JMJD1C: variants seen among roughly 807,000 people sequenced by gnomAD.
JMJD1C encodes the protein jumonji domain-containing protein 1C.
A neutral mutation model predicts 245.3 loss-of-function variants in JMJD1C; 31 were observed. The ratio of observed to expected loss-of-function variants is 0.13; its 90% CI spans 0.09 to 0.17. JMJD1C has a LOEUF of 0.17. JMJD1C is among the 10% of genes least tolerant of loss of function. The pLI, the probability that JMJD1C is intolerant of heterozygous loss-of-function variation, is 1.00. For missense variants in JMJD1C, 2,691 were observed against 3,000.2 expected (o/e 0.90, Z 2.41); for synonymous variants, 1,057 against 1,017.4 (o/e 1.04, Z -0.74).
intron 3 of JMJD1C, among the ~76,000 whole-genome samples, chr10:63,232,750 G>C (rs974627288): frequency 6.6e-6 from 1 of 152,126 alleles, no homozygotes; most frequent in African/African-American, 2.4e-5. Context: ...GAATTTTAAA[G>C]TCTCAAGATT....
chr10:63,325,096 A>G (rs546715246), intron 2 of JMJD1C, among the ~76,000 whole-genome samples: 22 of 152,344 alleles, frequency 1.4e-4, no homozygotes, highest in Non-Finnish European at 2.9e-4. Context: ...CCTATTAGGG[A>G]CAAACTTAGT....
chr10:63,185,706 T>G, intron 19 of JMJD1C, 53 bp from the exon 20 acceptor site: 3 of 995,396 alleles, frequency 3.0e-6, no homozygotes, highest in Non-Finnish European at 3.2e-6. Flanking sequence ...TTTTTATCTT[T>G]ATTAACATTT....
intron 2 of JMJD1C, among the ~76,000 whole-genome samples, chr10:63,308,136 G>A (rs1181944148): frequency 1.3e-5 from 2 of 151,874 alleles, no homozygotes; most frequent in African/African-American, 2.4e-5. Context: ...GGACGACAGA[G>A]TGAGACTCCA....
In JMJD1C at chr10:63,325,196, C is replaced by T. The variant is rs190859369; in HGVS notation, c.333+55122G>A. Among the ~76,000 whole-genome samples, 73 of 152,188 alleles carry T rather than the reference C, an allele frequency of 4.8e-4. 1 individual carries two copies. The highest frequency in any genetic ancestry group is 1.7e-3 in the African/African-American group (70 of 41,530). ...ATTAGCTGTTAATTAGTGTAGAAAG[C>T]ATGGGGATTAACAAATAATACAAAC... On this transcript the variant is annotated intron_variant, in intron 2 of 25. Transcript: ENST00000399262.
At chr10:63,223,822 C>T (rs764639871) in intron 3 of JMJD1C, among the ~76,000 whole-genome samples, 1 of 152,028 alleles carries the variant, frequency 6.6e-6, no homozygotes, top group African/African-American at 2.4e-5. Flanking sequence ...GGTGCAATCT[C>T]GGTTCACTGC....
intron 3 of JMJD1C, among the ~76,000 whole-genome samples, chr10:63,238,808 T>C (rs951135960): frequency 6.6e-6 from 1 of 152,204 alleles, no homozygotes; most frequent in Non-Finnish European, 1.5e-5. Flanking sequence ...ATTACTAAAA[T>C]TTATTAGGAA....
chr10:63,413,985 C>CTTT lies in JMJD1C; in HGVS notation c.169-33506_169-33504dup, dbSNP rs397846162. 9.8e-5 allele frequency among the ~76,000 whole-genome samples: 13 copies of CTTT among 132,016 alleles called. No homozygotes were observed. The South Asian group carries it at 1.2e-3, about 12-fold the overall frequency. 86.6% of individuals were successfully genotyped at this position (132,016 alleles called of 152,430 possible). ...ATTTCTTAAAAGTATGCTATCAATA[C>CTTT]TTTTTTTTTTTTTTTTTTTGACACG... On this transcript the variant is annotated intron_variant, in intron 1 of 25. Coordinates refer to ENST00000399262, the MANE Select transcript of JMJD1C (RefSeq NM_032776.3).
chr10:63,478,163 G>A (rs1010538707), intron 1 of JMJD1C, among the ~76,000 whole-genome samples: 1 of 152,132 alleles, frequency 6.6e-6, no homozygotes, highest in Admixed American at 6.5e-5. Flanking sequence ...GGAAGATGAG[G>A]AACAATCAGA....
chr10:63,277,885 C>A (rs905120512), intron 2 of JMJD1C, among the ~76,000 whole-genome samples: 4 of 151,254 alleles, frequency 2.6e-5, no homozygotes, highest in African/African-American at 9.7e-5. Flanking sequence ...TACAGGTGTG[C>A]GCCACCACGC....
In JMJD1C at chr10:63,339,078, T is replaced by A. The variant is rs1414803158; in HGVS notation, c.333+41240A>T. Among the ~76,000 whole-genome samples the A allele has an allele frequency of 2.0e-5, 3 of 152,288 alleles. No individual in the cohort carries two copies. The East Asian group carries it at 5.8e-4, about 29-fold the overall frequency. On this transcript the variant is annotated intron_variant, in intron 2 of 25. Transcript: ENST00000399262. Reference sequence around the variant, plus strand: ...TTGTTTATGGTAAAAAAACAAAAAATATATTTCTATTACCATTCTACAAGC... The same window carrying A: ...TTGTTTATGGTAAAAAAACAAAAAAAATATTTCTATTACCATTCTACAAGC...
intron 1 of JMJD1C, among the ~76,000 whole-genome samples, chr10:63,390,456 AAC>A (rs1283955920): frequency 1.3e-5 from 2 of 152,150 alleles, no homozygotes; most frequent in Non-Finnish European, 2.9e-5. Flanking sequence ...ACTTTGAAAC[AAC>A]TAACACCACT....
intron 1 of JMJD1C, among the ~76,000 whole-genome samples, chr10:63,443,473 G>A (rs936667289): frequency 2.6e-5 from 4 of 152,078 alleles, no homozygotes; most frequent in East Asian, 1.9e-4. Flanking sequence ...ACCGCACCCC[G>A]CTAATTTTTG....
At chr10:63,215,501 C>T (rs1847876365) in intron 6 of JMJD1C, 46 bp from the exon 7 acceptor site, 13 of 1,610,500 alleles carry the variant, frequency 8.1e-6, no homozygotes, top group Non-Finnish European at 1.1e-5. Context: ...CTGGTTTCTA[C>T]TAGCCTAAGG....
chr10:63,501,199 T>C (rs1954549095), intron 1 of JMJD1C, among the ~76,000 whole-genome samples: 3 of 152,202 alleles, frequency 2.0e-5, no homozygotes, highest in African/African-American at 7.2e-5. Flanking sequence ...TTTAGTGCCA[T>C]TTTATTCAAT....
At chr10:63,363,213 TGAA>T (rs955266237) in intron 2 of JMJD1C, among the ~76,000 whole-genome samples, 19 of 151,592 alleles carry the variant, frequency 1.3e-4, no homozygotes, top group Non-Finnish European at 2.4e-4. Context: ...GTGAGAAGTA[TGAA>T]GAAAGCACTG....
intron 2 of JMJD1C, among the ~76,000 whole-genome samples, chr10:63,308,925 A>G (rs986110643): frequency 3.9e-5 from 6 of 152,158 alleles, no homozygotes; most frequent in Non-Finnish European, 7.4e-5. Flanking sequence ...AATCTTGGGG[A>G]AAAAGAGAAG....
intron 1 of JMJD1C, among the ~76,000 whole-genome samples, chr10:63,423,146 A>T (rs1231480063): frequency 3.3e-5 from 5 of 151,882 alleles, no homozygotes; most frequent in Non-Finnish European, 2.9e-5. Flanking sequence ...TGTATTTTTC[A>T]TAGAAACGGG....
intron 1 of JMJD1C, among the ~76,000 whole-genome samples, chr10:63,426,078 C>A (rs982756914): frequency 6.6e-6 from 1 of 152,072 alleles, no homozygotes. Context: ...TGACACAATG[C>A]ATTTAAGAAT....
intron 1 of JMJD1C, among the ~76,000 whole-genome samples, chr10:63,411,316 T>G (rs1278328629): frequency 2.0e-5 from 2 of 99,458 alleles, no homozygotes; most frequent in African/African-American, 8.3e-5. Context: ...TTTTTTTTTT[T>G]GAGACGGAGT....
Sources: gnomAD v4.1 joint callset for allele counts (sites outside exome capture counted in the v4.1 genomes callset) on GRCh38, gnomAD v4.1.1 for gene constraint, MANE v1.5 for transcripts, NCBI Gene and HGNC (gene_info 2026-07-23, HGNC 2026-07-21) for gene names.